The following ANK3 variants were observed in gnomAD, a reference collection of about 807,000 sequenced individuals.
The protein encoded by ANK3 is ankyrin 3.
A neutral mutation model predicts 370.9 loss-of-function variants in ANK3; 57 were observed. The observed-to-expected ratio is 0.15, with a 90% confidence interval of 0.12 to 0.19. ANK3 has a LOEUF of 0.19. ANK3 is among the 10% of genes least tolerant of loss of function. The pLI is 1.00. For synonymous variants in ANK3, 1,929 were observed against 1,946.3 expected, an observed-to-expected ratio of 0.99 and a Z score of 0.23; for missense variants, 4,439 against 5,302.1, an observed-to-expected ratio of 0.84 and a Z score of 5.06.
intron 16 of ANK3, among the ~76,000 whole-genome samples, chr10:60,188,589 C>A (rs974831570): frequency 1.3e-5 from 2 of 152,148 alleles, no homozygotes; most frequent in Non-Finnish European, 2.9e-5. Context: ...GCACCCAGTA[C>A]TCAGCCATCC....
At chr10:60,698,645 C>A (rs1014723331) in intron 1 of ANK3, among the ~76,000 whole-genome samples, 4 of 146,358 alleles carry the variant, frequency 2.7e-5, no homozygotes, top group Non-Finnish European at 6.0e-5. Context: ...AGTAAACTAT[C>A]GCAAGAACAA....
At chr10:60,112,060 C>T (rs762377374) in intron 26 of ANK3, among the ~76,000 whole-genome samples, 1 of 152,210 alleles carries the variant, frequency 6.6e-6, no homozygotes, top group Non-Finnish European at 1.5e-5. Context: ...TGTCTATTGT[C>T]TCTCTTGTCT....
At chr10:60,348,355 AAAAAAAAAAAAAAAACAC>A (rs2056114056) in intron 1 of ANK3, among the ~76,000 whole-genome samples, 1 of 106,298 alleles carries the variant, frequency 9.4e-6, no homozygotes, top group Non-Finnish European at 2.1e-5. Flanking sequence ...GCCAAAAAAA[AAAAAAAAAAAAAAAACAC>A]AAAAAACAAA....
At chr10:60,083,346 TG>T in intron 33 of ANK3, 145 bp downstream of exon 33, 1 of 790,616 alleles carries the variant, frequency 1.3e-6, no homozygotes, top group Non-Finnish European at 2.0e-6. Flanking sequence ...AAGTATACTC[TG>T]GTAGAACCAG....
intron 25 of ANK3, among the ~76,000 whole-genome samples, chr10:60,115,397 C>G (rs961569194): frequency 1.1e-4 from 16 of 152,084 alleles, no homozygotes; most frequent in African/African-American, 3.9e-4. Flanking sequence ...TTTTATACAC[C>G]ATGTCTAGCA....
chr10:60,112,074 A>G (rs938460024), intron 26 of ANK3, among the ~76,000 whole-genome samples: 2 of 152,238 alleles, frequency 1.3e-5, no homozygotes, highest in Admixed American at 1.3e-4. Flanking sequence ...CTTGTCTTCA[A>G]TAACATTCAA....
chr10:60,606,353 A>AT (rs563434983), intron 2 of ANK3, among the ~76,000 whole-genome samples: 16 of 150,500 alleles, frequency 1.1e-4, no homozygotes, highest in East Asian at 3.9e-4. Context: ...GTCTCATGAG[A>AT]TTTTTTTTTT....
chr10:60,047,440 T>C (rs2077153978), intron 42 of ANK3, among the ~76,000 whole-genome samples: 1 of 152,186 alleles, frequency 6.6e-6, no homozygotes, highest in Non-Finnish European at 1.5e-5. Flanking sequence ...TGTCCAAAAA[T>C]AGGATTGATG....
At chr10:60,501,019 T>C (rs1226439089) in intron 2 of ANK3, among the ~76,000 whole-genome samples, 1 of 152,074 alleles carries the variant, frequency 6.6e-6, no homozygotes, top group Non-Finnish European at 1.5e-5. Flanking sequence ...CCCAAGTTAA[T>C]CAACCATGTC....
intron 2 of ANK3, among the ~76,000 whole-genome samples, chr10:60,478,382 T>C (rs2075126492): frequency 6.6e-6 from 1 of 152,104 alleles, no homozygotes; most frequent in Admixed American, 6.6e-5. Flanking sequence ...TGATAGATGA[T>C]TTTAATACAA....
intron 7 of ANK3, among the ~76,000 whole-genome samples, chr10:60,237,607 TA>T (rs1175066785): frequency 1.3e-5 from 2 of 151,824 alleles, no homozygotes; most frequent in Admixed American, 6.5e-5. Context: ...CTCTTTTTTT[TA>T]AATTTAATTT....
At chr10:60,339,279 A>C (rs2053728623) in intron 1 of ANK3, among the ~76,000 whole-genome samples, 1 of 152,200 alleles carries the variant, frequency 6.6e-6, no homozygotes, top group South Asian at 2.1e-4. Context: ...TAAAATTAAA[A>C]TGTTAATAGA....
rs2082390201 is a variant in ANK3, at chr10:60,069,917, G to C, written c.10964C>G (p.Thr3655Ser). The C allele has an allele frequency of 6.2e-7, 1 of 1,613,870 alleles. No homozygotes were observed. ...DQGEGDKSMVTATPQPQSGDT... is the reference protein window; with the variant it reads ...DQGEGDKSMVSATPQPQSGDT... Reference sequence around the variant, plus strand: ...CCCTGACTGTGGCTGTGGTGTGGCAGTGACCATACTTTTATCCCCTTCCCC... The same window carrying C: ...CCCTGACTGTGGCTGTGGTGTGGCACTGACCATACTTTTATCCCCTTCCCC... The change falls in exon 37 of 44, where the codon ACT (threonine) becomes AGT (serine). Residue 3655 changes from threonine to serine, a missense_variant. Thr to Ser is a moderately conservative substitution (Grantham distance 58). Transcript: ENST00000280772.
At chr10:60,035,767 A>T (rs1010573953) in intron 43 of ANK3, among the ~76,000 whole-genome samples, 3 of 151,326 alleles carry the variant, frequency 2.0e-5, no homozygotes, top group African/African-American at 7.3e-5. Context: ...AGGCAGGCAG[A>T]TTACCTGAGG....
At chr10:60,409,346 C>A (rs1464719386) in intron 2 of ANK3, among the ~76,000 whole-genome samples, 2 of 152,098 alleles carry the variant, frequency 1.3e-5, no homozygotes, top group African/African-American at 2.4e-5. Context: ...GGTCTCCATT[C>A]TGAAATGAAG....
intron 1 of ANK3, among the ~76,000 whole-genome samples, chr10:60,663,345 G>C (rs2078958580): frequency 1.3e-5 from 2 of 152,160 alleles, no homozygotes; most frequent in Non-Finnish European, 2.9e-5. Flanking sequence ...CTAATAGAAA[G>C]GGTCCCCAAG....
chr10:60,675,910 G>A (rs2079118932), intron 1 of ANK3, among the ~76,000 whole-genome samples: 1 of 151,218 alleles, frequency 6.6e-6, no homozygotes, highest in Non-Finnish European at 1.5e-5. Context: ...AGCCAACAAA[G>A]AAGTTGAAAT....
chr10:60,699,466 T>C (rs914860913), intron 1 of ANK3, among the ~76,000 whole-genome samples: 6 of 152,104 alleles, frequency 3.9e-5, no homozygotes, highest in Non-Finnish European at 7.4e-5. Flanking sequence ...AATCTTTTAA[T>C]ACAATTGTGC....
intron 12 of ANK3, 150 bp from the exon 13 acceptor site, chr10:60,200,377 A>C: frequency 1.4e-6 from 1 of 690,340 alleles, no homozygotes; most frequent in Non-Finnish European, 2.6e-6. Context: ...CAAATGCATG[A>C]GAATTTCACA....
Sources: allele counts gnomAD v4.1 joint callset (sites outside exome capture counted in the v4.1 genomes callset), GRCh38; gene constraint gnomAD v4.1.1; transcripts MANE v1.5; gene names NCBI Gene and HGNC (gene_info 2026-07-23, HGNC 2026-07-21).